Variants in ZNF676 observed in about 807,000 individuals in gnomAD.
The protein encoded by ZNF676 is zinc finger protein 676.
ZNF676 carries 4 observed loss-of-function variants against 6.0 expected under a neutral mutation model. The ratio of observed to expected loss-of-function variants is 0.67; its 90% CI spans 0.33 to 1.53. ZNF676 has a LOEUF of 1.53. Among genes scored for constraint, ZNF676 ranks in the 40% most tolerant of loss-of-function variants. ZNF676 has a pLI of 0.06. For missense variants in ZNF676, 644 were observed against 679.7 expected (o/e 0.95, Z 0.58); for synonymous variants, 198 against 223.1 (o/e 0.89, Z 1.00).
At chr19:22,214,956 G>A (rs1376385531) in intron 1 of ZNF676, among the ~76,000 whole-genome samples, 1 of 150,360 alleles carries the variant, frequency 6.7e-6, no homozygotes, top group Non-Finnish European at 1.5e-5. Flanking sequence ...CAGGAGAATG[G>A]CGTGAACCCG....
At chr19:22,215,805 C>T (rs554187827), upstream of ZNF676, 3,771 of 686,596 alleles carry the variant, frequency 5.5e-3, 92 homozygotes, top group African/African-American at 0.052. Flanking sequence ...TGTCCCCCCC[C>T]CCAGCTGCCT....
At chr19:22,190,340 C>T (rs891059319) in intron 2 of ZNF676, among the ~76,000 whole-genome samples, 1 of 151,632 alleles carries the variant, frequency 6.6e-6, no homozygotes, top group African/African-American at 2.4e-5. Context: ...CGCTCTTATG[C>T]AAAGGTTGTA....
chr19:22,200,068 T>C (rs1236310288), upstream of ZNF676, among the ~76,000 whole-genome samples: 3 of 151,980 alleles, frequency 2.0e-5, no homozygotes, highest in Non-Finnish European at 2.9e-5. Flanking sequence ...TGGGGCAGAG[T>C]GTAGAGCCAA....
At chr19:22,235,110 A>T in the ZNF676 span, among the ~76,000 whole-genome samples, 1 of 112,738 alleles carries the variant, frequency 8.9e-6, no homozygotes, top group Admixed American at 1.1e-4. Context: ...GAAGTCAGGA[A>T]GGCAGGAAGG....
At chr19:22,209,938 G>A (rs2024113407) in intron 1 of ZNF676, among the ~76,000 whole-genome samples, 1 of 152,214 alleles carries the variant, frequency 6.6e-6, no homozygotes, top group Non-Finnish European at 1.5e-5. Context: ...TGAGGGTGGT[G>A]CCTTGTCCAG....
chr19:22,181,097 C>A lies in ZNF676; in HGVS notation c.620G>T (p.Ser207Ile). 6.2e-7 allele frequency: 1 copy of A among 1,606,740 alleles called. No homozygotes were observed. The highest frequency in any genetic ancestry group is 1.7e-5 in the Admixed American group (1 of 59,340). ...YKCEECGKAFSKFSILTKHKV... is the reference protein window; with the variant it reads ...YKCEECGKAFIKFSILTKHKV... ...ATGTTTAGTAAGGATTGAGAACTTA[C>A]TAAAGGCTTTGCCACATTCTTCACA... Residue 207 changes from serine to isoleucine, a missense_variant, in exon 3 of 3, where the codon AGT becomes ATT. This residue lies in a region of ZNF676 where 280 missense variants were observed against 269.3 expected (regional missense o/e 1.04). Transcript: ENST00000397121.
the ZNF676 span, among the ~76,000 whole-genome samples, chr19:22,256,748 A>G: frequency 2.6e-5 from 4 of 152,020 alleles, no homozygotes; most frequent in African/African-American, 7.3e-5. Context: ...ATTCATTACA[A>G]TCCCCTTTTA....
chr19:22,199,654 T>C (rs2024004394), upstream of ZNF676, among the ~76,000 whole-genome samples: 2 of 152,216 alleles, frequency 1.3e-5, no homozygotes, highest in African/African-American at 4.8e-5. Context: ...AAGCTAACTA[T>C]AGACAGATGA....
At chr19:22,214,440 C>A (rs2024162707) in intron 1 of ZNF676, among the ~76,000 whole-genome samples, 1 of 151,320 alleles carries the variant, frequency 6.6e-6, no homozygotes, top group African/African-American at 2.4e-5. Context: ...CACGGTGAAA[C>A]CCCGTCCCTA....
chr19:22,182,381 T>A (rs1055343071), intron 2 of ZNF676, among the ~76,000 whole-genome samples: 2 of 151,908 alleles, frequency 1.3e-5, no homozygotes, highest in African/African-American at 2.4e-5. Flanking sequence ...TATAATCTTA[T>A]CAAAAATATT....
In ZNF676 at chr19:22,179,642, T is replaced by C. The variant is rs1248441392; in HGVS notation, c.*308A>G. Reference sequence around the variant, plus strand: ...AGGGCTTTTCCTCCAGTATGAATTCTTTTATGAGTAGTAAGGTGTGAGGAA... The same window carrying C: ...AGGGCTTTTCCTCCAGTATGAATTCCTTTATGAGTAGTAAGGTGTGAGGAA... On this transcript the variant is annotated 3_prime_UTR_variant, in exon 3 of 3. Transcript: ENST00000397121. 3 of 551,992 alleles carry C rather than the reference T, an allele frequency of 5.4e-6. No individual in the cohort carries two copies. The African/African-American group carries it at 5.7e-5, about 11-fold the overall frequency. 34.2% of individuals were successfully genotyped at this position (551,992 alleles called of 1,614,324 possible). A position where few individuals can be genotyped will look rare whatever the true frequency, so the allele number is the denominator to read the frequency against.
rs1852420 is a variant in ZNF676 at position 22,179,100 on chromosome 19, C to T, written c.*850G>A. The T allele has an allele frequency of 0.23, 34,660 of 153,784 alleles. 4,401 individuals are homozygous for T. The highest frequency in any genetic ancestry group is 0.42 in the South Asian group (2,069 of 4,944). The allele number at this position is 153,784 out of a possible 1,614,324, so 9.5% of individuals were successfully genotyped here. A position where few individuals can be genotyped will look rare whatever the true frequency, so the allele number is the denominator to read the frequency against. ...GGCATGAGTATTGGTTAAATGTGTG[C>T]CACATTGTTTATTCTAGTAGTTTTC... On this transcript the variant is annotated 3_prime_UTR_variant, in exon 3 of 3. Transcript: ENST00000397121.
the ZNF676 span, chr19:22,243,966 CTG>C: frequency 6.6e-6 from 1 of 152,110 alleles, no homozygotes; most frequent in Admixed American, 6.6e-5. Context: ...GCTAAGCCCT[CTG>C]AAGACATTCT....
chr19:22,202,006 T>G (rs1026631374), intron 1 of ZNF676, among the ~76,000 whole-genome samples: 1 of 152,162 alleles, frequency 6.6e-6, no homozygotes, highest in African/African-American at 2.4e-5. Context: ...CTGACTTTGA[T>G]AACTAAAAGG....
Position 22,179,887 on chromosome 19 carries a change from T to A in ZNF676, c.*63A>T. ...ACCTTTGTAGATTTTCTCTCCAGTA[T>A]GAATTTTCTTATGTTTACTAGACTG... On this transcript the variant is annotated 3_prime_UTR_variant, in exon 3 of 3. Coordinates refer to ENST00000397121, the MANE Select transcript of ZNF676 (RefSeq NM_001001411.3). 6.5e-7 allele frequency: 1 copy of A among 1,541,150 alleles called. No homozygotes were observed. Among genetic ancestry groups the A allele is most frequent in the Non-Finnish European group, 8.9e-7 (1 of 1,121,372 alleles).
At chr19:22,255,649 T>G in the ZNF676 span, among the ~76,000 whole-genome samples, 1,100 of 152,088 alleles carry the variant, frequency 7.2e-3, 11 homozygotes, top group Middle Eastern at 0.044. Flanking sequence ...ATCGAGACCA[T>G]CCTGGCTAAC....
the ZNF676 span, among the ~76,000 whole-genome samples, chr19:22,240,030 C>T: frequency 2.0e-5 from 3 of 152,122 alleles, no homozygotes; most frequent in Non-Finnish European, 4.4e-5. Flanking sequence ...GGGGATGCAC[C>T]CAGATATATG....
chr19:22,246,143 C>T, the ZNF676 span, among the ~76,000 whole-genome samples: 2 of 151,786 alleles, frequency 1.3e-5, no homozygotes, highest in Non-Finnish European at 2.9e-5. Flanking sequence ...CACACACATG[C>T]GAACAAAGGC....
chr19:22,180,854 T>C lies in ZNF676; in HGVS notation c.863A>G (p.Lys288Arg). 1 of 1,403,146 alleles carries C rather than the reference T, an allele frequency of 7.1e-7. No homozygotes were observed. The highest frequency in any genetic ancestry group is 9.9e-7 in the Non-Finnish European group (1 of 1,007,626). 86.9% of individuals were successfully genotyped at this position (1,403,146 alleles called of 1,614,324 possible). The change falls in exon 3 of 3, where the codon AAA becomes AGA. Residue 288 changes from lysine to arginine, a missense_variant. Coordinates refer to ENST00000397121, the MANE Select transcript of ZNF676 (RefSeq NM_001001411.3). Reference sequence around the variant, plus strand: ...GAGCTTTGAGGACGAGTTGGAAGCTTTGCCACATTCTTCACATTTGTAGGG... The same window carrying C: ...GAGCTTTGAGGACGAGTTGGAAGCTCTGCCACATTCTTCACATTTGTAGGG... ...EKPYKCEECG[K>R]ASNSSSKLME...
Sources: allele counts gnomAD v4.1 joint callset (sites outside exome capture counted in the v4.1 genomes callset), GRCh38; gene constraint gnomAD v4.1.1; regional missense constraint gnomAD v4.1.1; transcripts MANE v1.5; gene names NCBI Gene and HGNC (gene_info 2026-07-23, HGNC 2026-07-21).